RGS6: variants seen among roughly 807,000 people sequenced by gnomAD.
The protein encoded by RGS6 is regulator of G protein signaling 6, also known as regulator of G-protein signaling 6.
A neutral mutation model predicts 78.5 loss-of-function variants in RGS6; 30 were observed. The observed-to-expected ratio is 0.38, with a 90% CI of 0.29 to 0.52. RGS6 has a LOEUF of 0.52. Ranked by LOEUF, RGS6 falls within the 20% of genes least tolerant of loss-of-function variation. The pLI is 0.85. For missense variants in RGS6, 495 were observed against 609.7 expected (o/e 0.81, Z 1.98); for synonymous variants, 206 against 206.0 (o/e 1.00, Z 0.00).
At chr14:72,242,452 C>G (rs1054792997) in intron 2 of RGS6, among the ~76,000 whole-genome samples, 2 of 152,162 alleles carry the variant, frequency 1.3e-5, no homozygotes, top group African/African-American at 4.8e-5. Flanking sequence ...CTTAAAATAA[C>G]CTTTATAAAG....
chr14:72,394,483 A>G (rs923077099), intron 3 of RGS6, among the ~76,000 whole-genome samples: 1 of 152,164 alleles, frequency 6.6e-6, no homozygotes, highest in Non-Finnish European at 1.5e-5. Flanking sequence ...ACATTCCTAG[A>G]GCGGCCATTT....
chr14:71,912,684 G>GT, the RGS6 span, among the ~76,000 whole-genome samples: 1 of 152,134 alleles, frequency 6.6e-6, no homozygotes, highest in Non-Finnish European at 1.5e-5. Context: ...TCTCAGCCTT[G>GT]TGGTCCCACC....
rs1175750705 is a variant in RGS6 at position 72,562,789 on chromosome 14, T to A, written c.*322T>A. 15 of 1,477,780 alleles carry A rather than the reference T, an allele frequency of 1.0e-5. No individual in the cohort carries two copies. Among genetic ancestry groups the A allele is most frequent in the Non-Finnish European group, 1.3e-5 (14 of 1,093,780 alleles). 91.5% of individuals were successfully genotyped at this position (1,477,780 alleles called of 1,614,324 possible). A position where few individuals can be genotyped will look rare whatever the true frequency, so the allele number is the denominator to read the frequency against. Reference sequence around the variant, plus strand: ...AGGGGAGAACACGTCGTGGGGTTCCTGTCACGACTATCACTTGAGATTATA... The same window carrying A: ...AGGGGAGAACACGTCGTGGGGTTCCAGTCACGACTATCACTTGAGATTATA... On this transcript the variant is annotated 3_prime_UTR_variant, in exon 18 of 18. Transcript: ENST00000553525.
At chr14:72,574,073 A>G in the RGS6 span, among the ~76,000 whole-genome samples, 2 of 152,196 alleles carry the variant, frequency 1.3e-5, no homozygotes, top group Non-Finnish European at 2.9e-5. Flanking sequence ...AGACATGCCC[A>G]GTGGTTTGGA....
chr14:72,048,437 G>T (rs1384177903), intron 2 of RGS6, among the ~76,000 whole-genome samples: 3 of 152,106 alleles, frequency 2.0e-5, no homozygotes, highest in Non-Finnish European at 4.4e-5. Context: ...GCACCCTACT[G>T]CTTTCTGTCT....
intron 2 of RGS6, among the ~76,000 whole-genome samples, chr14:72,249,849 A>C (rs1382841808): frequency 6.6e-6 from 1 of 152,144 alleles, no homozygotes; most frequent in Non-Finnish European, 1.5e-5. Context: ...CCAAATGTCC[A>C]ACAATGATAG....
chr14:72,522,819 C>T (rs1455139118), intron 15 of RGS6, among the ~76,000 whole-genome samples: 1 of 152,136 alleles, frequency 6.6e-6, no homozygotes, highest in African/African-American at 2.4e-5. Context: ...TAAAATCTAG[C>T]ACATGGTCAT....
intron 3 of RGS6, among the ~76,000 whole-genome samples, chr14:72,452,314 AG>A (rs1198095339): frequency 1.3e-5 from 2 of 152,040 alleles, no homozygotes; most frequent in African/African-American, 4.8e-5. Context: ...GATGCTGTCC[AG>A]GAGTAGCAAG....
chr14:72,253,441 G>A (rs903052552), intron 2 of RGS6, among the ~76,000 whole-genome samples: 26 of 152,220 alleles, frequency 1.7e-4, no homozygotes, highest in African/African-American at 6.3e-4. Flanking sequence ...TTAAAGACCA[G>A]ATAGTAAATA....
intron 2 of RGS6, among the ~76,000 whole-genome samples, chr14:72,182,911 CTGT>C (rs2097193213): frequency 6.6e-6 from 1 of 152,096 alleles, no homozygotes; most frequent in South Asian, 2.1e-4. Flanking sequence ...TTCATACTCT[CTGT>C]TGTTCAGGTT....
At chr14:72,411,782 G>T (rs1341997890) in intron 3 of RGS6, among the ~76,000 whole-genome samples, 1 of 152,174 alleles carries the variant, frequency 6.6e-6, no homozygotes, top group Non-Finnish European at 1.5e-5. Flanking sequence ...ATGAAGCGTT[G>T]TTGAATTTTG....
chr14:71,897,600 A>G, the RGS6 span, among the ~76,000 whole-genome samples: 2 of 152,044 alleles, frequency 1.3e-5, no homozygotes, highest in Non-Finnish European at 2.9e-5. Context: ...AGCTCACCAC[A>G]ACCTCCACCT....
downstream of RGS6, among the ~76,000 whole-genome samples, chr14:72,570,211 GTAT>G (rs2097718719): frequency 6.6e-6 from 1 of 152,214 alleles, no homozygotes; most frequent in African/African-American, 2.4e-5. Flanking sequence ...ATTGTATTAA[GTAT>G]TATAAGCAAT....
chr14:72,162,006 C>T (rs113107347), intron 2 of RGS6, among the ~76,000 whole-genome samples: 1,736 of 152,168 alleles, frequency 0.011, 20 homozygotes, highest in African/African-American at 0.028. Flanking sequence ...TTGTAATATA[C>T]GCAAGGGCAA....
At chr14:72,119,246 C>T (rs2095986906) in intron 2 of RGS6, among the ~76,000 whole-genome samples, 1 of 152,100 alleles carries the variant, frequency 6.6e-6, no homozygotes, top group African/African-American at 2.4e-5. Flanking sequence ...TCGGGTAGAG[C>T]TTTTTAACAC....
intron 2 of RGS6, among the ~76,000 whole-genome samples, chr14:72,090,174 G>A (rs2095219454): frequency 6.8e-6 from 1 of 147,542 alleles, no homozygotes; most frequent in Non-Finnish European, 1.5e-5. Context: ...AATCCCTTTA[G>A]ATTTCTTAAA....
intron 2 of RGS6, among the ~76,000 whole-genome samples, chr14:72,319,692 T>G (rs1194645511): frequency 6.6e-6 from 1 of 151,976 alleles, no homozygotes; most frequent in Non-Finnish European, 1.5e-5. Flanking sequence ...GCAGCCAAAG[T>G]AAAATAGACA....
At chr14:72,332,068 A>C (rs1176166788) in intron 2 of RGS6, among the ~76,000 whole-genome samples, 1 of 152,224 alleles carries the variant, frequency 6.6e-6, no homozygotes, top group Admixed American at 6.5e-5. Flanking sequence ...CTCTTGGCTC[A>C]GCATCTGGCT....
the RGS6 span, among the ~76,000 whole-genome samples, chr14:71,909,612 G>C: frequency 2.3e-5 from 1 of 44,414 alleles, no homozygotes; most frequent in African/African-American, 9.3e-5. Context: ...GGAGAGAAAG[G>C]AGAGAGAGGG....
Sources: allele counts gnomAD v4.1 joint callset (sites outside exome capture counted in the v4.1 genomes callset), GRCh38; gene constraint gnomAD v4.1.1; transcripts MANE v1.5; gene names NCBI Gene and HGNC (gene_info 2026-07-23, HGNC 2026-07-21).